The following SYN2 variants were observed in gnomAD, a reference collection of about 807,000 sequenced individuals.
SYN2 encodes synapsin II, also known as synapsin-2.
A neutral mutation model predicts 50.9 loss-of-function variants in SYN2; 19 were observed. The observed-to-expected ratio is 0.37, with a 90% CI of 0.26 to 0.55. The LOEUF is 0.55. Among genes scored for constraint, SYN2 ranks in the 20% least tolerant of loss-of-function variants. SYN2 has a pLI of 0.81. For missense variants in SYN2, 587 were observed against 576.4 expected, an observed-to-expected ratio of 1.02 and a Z score of -0.19; for synonymous variants, 255 against 224.9, an observed-to-expected ratio of 1.13 and a Z score of -1.20.
chr3:12,125,685 A>C (rs1696653484), intron 1 of SYN2, among the ~76,000 whole-genome samples: 1 of 152,162 alleles, frequency 6.6e-6, no homozygotes, highest in African/African-American at 2.4e-5. Context: ...TATAGCCTGA[A>C]GAAGTGGTCT....
rs73139657 is a variant in SYN2, at chr3:12,103,035, A to G, written c.378-37616A>G. ...AGATACAGTTCTACAAGCTTTACCT[A>G]TGTATTTGGTTAATCTCCACAGCAA... On this transcript the variant is annotated intron_variant, in intron 1 of 12. Transcript: ENST00000621198. Among the ~76,000 whole-genome samples, 1,131 of 152,222 alleles carry G rather than the reference A, an allele frequency of 7.4e-3. 10 individuals are homozygous for G. The highest frequency in any genetic ancestry group is 0.026 in the African/African-American group (1,064 of 41,532).
chr3:12,141,103 C>T (rs545984712), intron 2 of SYN2, among the ~76,000 whole-genome samples: 15 of 152,142 alleles, frequency 9.9e-5, no homozygotes, highest in South Asian at 4.2e-4. Context: ...TATGCTGCCC[C>T]GAGTGATGGC....
intron 1 of SYN2, among the ~76,000 whole-genome samples, chr3:12,107,846 A>G (rs1016623890): frequency 6.6e-6 from 1 of 152,250 alleles, no homozygotes; most frequent in African/African-American, 2.4e-5. Context: ...ATGTGACTAT[A>G]GAAGTCCTAT....
At chr3:12,087,961 A>G (rs1695745158) in intron 1 of SYN2, among the ~76,000 whole-genome samples, 1 of 152,064 alleles carries the variant, frequency 6.6e-6, no homozygotes, top group Non-Finnish European at 1.5e-5. Flanking sequence ...AAGACCTGAA[A>G]TGGTAAAACT....
At chr3:12,090,893 G>A (rs771901113) in intron 1 of SYN2, among the ~76,000 whole-genome samples, 14 of 152,162 alleles carry the variant, frequency 9.2e-5, no homozygotes, top group Non-Finnish European at 1.2e-4. Flanking sequence ...TTTGCTTTGA[G>A]TGATAGATGT....
At chr3:12,157,527 G>C (rs752743671) in intron 5 of SYN2, 11 of 1,569,192 alleles carry the variant, frequency 7.0e-6, no homozygotes, top group Non-Finnish European at 9.6e-6. Flanking sequence ...GCTGGTGGGG[G>C]CAATACACCT....
At chr3:12,006,472 CTCAG>C (rs1260783787) in intron 1 of SYN2, among the ~76,000 whole-genome samples, 1 of 152,188 alleles carries the variant, frequency 6.6e-6, no homozygotes, top group African/African-American at 2.4e-5. Context: ...AGTAAAGGTG[CTCAG>C]TCAGAGCATC....
intron 1 of SYN2, among the ~76,000 whole-genome samples, chr3:12,017,040 G>C (rs763819178): frequency 6.6e-5 from 10 of 152,082 alleles, no homozygotes; most frequent in Non-Finnish European, 1.3e-4. Context: ...TTTCACAGAA[G>C]TCACAGATCT....
chr3:12,046,464 G>A (rs914985303), intron 1 of SYN2, among the ~76,000 whole-genome samples: 1 of 152,172 alleles, frequency 6.6e-6, no homozygotes, highest in African/African-American at 2.4e-5. Context: ...TCATGCAGAG[G>A]CTTATAGGCT....
chr3:12,168,560 T>G, intron 9 of SYN2, 82 bp downstream of exon 9: 1 of 1,167,254 alleles, frequency 8.6e-7, no homozygotes, highest in Non-Finnish European at 1.3e-6. Context: ...TAATTTGGAG[T>G]CTCCTGAACC....
intron 5 of SYN2, chr3:12,153,401 C>T: frequency 7.9e-7 from 1 of 1,268,334 alleles, no homozygotes; most frequent in Non-Finnish European, 1.1e-6. Flanking sequence ...CCACTTGGCA[C>T]TTCTTATTAG....
intron 5 of SYN2, chr3:12,158,555 T>G: frequency 8.2e-7 from 1 of 1,216,224 alleles, no homozygotes; most frequent in Non-Finnish European, 1.1e-6. Flanking sequence ...TGGCGCCTGG[T>G]CCTTCTCCAC....
intron 5 of SYN2, chr3:12,156,822 G>A: frequency 6.2e-7 from 1 of 1,613,252 alleles, no homozygotes; most frequent in Non-Finnish European, 8.5e-7. Flanking sequence ...TAACTTACCA[G>A]TCAAGAGATA....
chr3:12,049,349 C>T (rs575432525), intron 1 of SYN2, among the ~76,000 whole-genome samples: 1 of 151,762 alleles, frequency 6.6e-6, no homozygotes, highest in Non-Finnish European at 1.5e-5. Flanking sequence ...TGAAACTCGT[C>T]TCTACTAAAA....
At chr3:12,067,587 A>G (rs753348086) in intron 1 of SYN2, among the ~76,000 whole-genome samples, 3 of 151,068 alleles carry the variant, frequency 2.0e-5, no homozygotes, top group Non-Finnish European at 4.4e-5. Flanking sequence ...TCTGCATATT[A>G]CAAGCTCCAG....
At chr3:12,153,549 A>G (rs567186382) in intron 5 of SYN2, 1 of 1,613,968 alleles carries the variant, frequency 6.2e-7, no homozygotes, top group South Asian at 1.1e-5. Context: ...CTCCTTCCTG[A>G]GAGGCAGGTG....
intron 1 of SYN2, among the ~76,000 whole-genome samples, chr3:12,077,721 T>C (rs1695501739): frequency 6.6e-6 from 1 of 152,218 alleles, no homozygotes; most frequent in African/African-American, 2.4e-5. Flanking sequence ...GGTCTATCCT[T>C]GATGGGCATT....
In SYN2 at chr3:12,163,193, G is replaced by A. The variant is rs1697696633; in HGVS notation, c.980+1039G>A. ...GAAGGCAGAGCTTGCAATGAGCCGA[G>A]ATCGCGCCACTGCACTCCAGCCTGG... On this transcript the variant is annotated intron_variant, in intron 7 of 12. Coordinates refer to ENST00000621198, the MANE Select transcript of SYN2 (RefSeq NM_133625.6). Among the ~76,000 whole-genome samples, 4 of 140,464 alleles carry A rather than the reference G, an allele frequency of 2.8e-5. No homozygotes were observed. In the South Asian group the frequency reaches 8.7e-4, roughly 31 times the overall value. The allele number at this position is 140,464 out of a possible 152,430, so 92.1% of individuals were successfully genotyped here.
At chr3:12,174,577 G>T (rs576732389) in intron 10 of SYN2, among the ~76,000 whole-genome samples, 14 of 152,290 alleles carry the variant, frequency 9.2e-5, no homozygotes, top group African/African-American at 2.6e-4. Flanking sequence ...CGCCTCCCGG[G>T]TTCAAGCGAT....
Sources: gnomAD v4.1 joint callset for allele counts (sites outside exome capture counted in the v4.1 genomes callset) on GRCh38, gnomAD v4.1.1 for gene constraint, MANE v1.5 for transcripts, NCBI Gene and HGNC (gene_info 2026-07-23, HGNC 2026-07-21) for gene names.